CYP2C19: variants seen among roughly 807,000 people sequenced by gnomAD.
CYP2C19 encodes cytochrome P450 2C19.
A neutral mutation model predicts 40.9 loss-of-function variants in CYP2C19; 59 were observed. That is an observed-to-expected ratio of 1.44 (90% confidence interval 1.17 to 1.79). The LOEUF is 1.79. CYP2C19 is among the 40% of genes most tolerant of loss of function. CYP2C19 has a pLI of 0.00. For missense variants in CYP2C19, 754 were observed against 596.9 expected (o/e 1.26, Z -2.74); for synonymous variants, 253 against 208.7 (o/e 1.21, Z -1.83).
intron 6 of CYP2C19, among the ~76,000 whole-genome samples, chr10:94,825,883 C>A (rs1849211262): frequency 6.6e-6 from 1 of 151,476 alleles, no homozygotes; most frequent in Non-Finnish European, 1.5e-5. Context: ...TATGGCTAGC[C>A]AGCTTTCCCA....
In CYP2C19 at chr10:94,786,961, G is replaced by A. The variant is rs538284033; in HGVS notation, c.819+4964G>A. On this transcript the variant is annotated intron_variant, in intron 5 of 8. Transcript: ENST00000371321. ...GTGAATAGTGCAGAGATGGACATAT[G>A]AGCACATGTGTCTTTTTGGTATAAC... is the stretch of plus-strand genomic sequence containing the variant. Among the ~76,000 whole-genome samples, 7 of 152,200 alleles carry A rather than the reference G, an allele frequency of 4.6e-5. No homozygotes were observed. The East Asian group carries it at 5.8e-4, about 13-fold the overall frequency.
chr10:94,791,089 G>A (rs576397507), intron 5 of CYP2C19, among the ~76,000 whole-genome samples: 1 of 152,198 alleles, frequency 6.6e-6, no homozygotes, highest in Admixed American at 6.5e-5. Flanking sequence ...TCCTGGTTTA[G>A]TCTTGGGAGG....
At chr10:94,818,083 G>A (rs1176177612) in intron 5 of CYP2C19, among the ~76,000 whole-genome samples, 2 of 149,566 alleles carry the variant, frequency 1.3e-5, no homozygotes, top group African/African-American at 2.5e-5. Flanking sequence ...GTAAGGAAGG[G>A]ATCCAGTTTC....
chr10:94,836,553 T>C (rs1413396626), intron 6 of CYP2C19, among the ~76,000 whole-genome samples: 1 of 152,210 alleles, frequency 6.6e-6, no homozygotes, highest in African/African-American at 2.4e-5. Context: ...TTAATTAGTG[T>C]ATATAATGGT....
intron 3 of CYP2C19, among the ~76,000 whole-genome samples, chr10:94,779,925 T>A (rs2134239339): frequency 6.6e-6 from 1 of 152,316 alleles, no homozygotes. Context: ...TTTGTTTAAT[T>A]TTTTTGACAA....
intron 6 of CYP2C19, among the ~76,000 whole-genome samples, chr10:94,822,350 C>A (rs770933970): frequency 6.6e-6 from 1 of 152,044 alleles, no homozygotes; most frequent in East Asian, 1.9e-4. Context: ...AAATTATGTC[C>A]CATTGAGTCC....
chr10:94,850,132 C>A, intron 8 of CYP2C19, 74 bp downstream of exon 8: 1 of 1,531,524 alleles, frequency 6.5e-7, no homozygotes, highest in Non-Finnish European at 9.0e-7. Context: ...CTTACATGTG[C>A]CTTCTCTGCA....
At chr10:94,838,402 T>C (rs1377755999) in intron 6 of CYP2C19, among the ~76,000 whole-genome samples, 5 of 152,166 alleles carry the variant, frequency 3.3e-5, no homozygotes. Flanking sequence ...ACATTGCATC[T>C]CTCCATGTCA....
At chr10:94,818,482 G>A (rs1589366224) in intron 5 of CYP2C19, among the ~76,000 whole-genome samples, 2 of 150,678 alleles carry the variant, frequency 1.3e-5, no homozygotes, top group East Asian at 1.9e-4. Flanking sequence ...ACCTTGGGCA[G>A]TATGGCCATT....
rs200546552 is a variant in CYP2C19 at position 94,793,713 on chromosome 10, CT to C, written c.819+11717del. On this transcript the variant is annotated intron_variant, in intron 5 of 8. Transcript: ENST00000371321. ...AGCAAATGTTGCTGCCTGATCCTTCCTCTGGAAGCTTTGTCTCAAAGGAGCA... is the reference window on the plus strand; with the variant it reads ...AGCAAATGTTGCTGCCTGATCCTTCCCTGGAAGCTTTGTCTCAAAGGAGCA... Among the ~76,000 whole-genome samples, 685 of 152,228 alleles carry C rather than the reference CT, an allele frequency of 4.5e-3. 7 individuals are homozygous for C. The highest frequency in any genetic ancestry group is 0.015 in the African/African-American group (636 of 41,556).
At chr10:94,795,168 G>A (rs1367510393) in intron 5 of CYP2C19, among the ~76,000 whole-genome samples, 6 of 82,434 alleles carry the variant, frequency 7.3e-5, no homozygotes, top group African/African-American at 1.0e-4. Context: ...CCCACCCCAC[G>A]ACAGGCCCCA....
chr10:94,775,660 T>C, intron 3 of CYP2C19, 121 bp downstream of exon 3: 1 of 1,553,434 alleles, frequency 6.4e-7, no homozygotes, highest in Non-Finnish European at 8.8e-7. Flanking sequence ...TTAGCTCATG[T>C]GAAGCAGGGT....
chr10:94,793,514 A>G (rs982091469), intron 5 of CYP2C19, among the ~76,000 whole-genome samples: 9 of 152,096 alleles, frequency 5.9e-5, no homozygotes, highest in Non-Finnish European at 5.9e-5. Context: ...GTCTTTGATA[A>G]TGGTGACATA....
intron 6 of CYP2C19, among the ~76,000 whole-genome samples, chr10:94,821,544 A>G (rs1222254397): frequency 6.6e-6 from 1 of 152,220 alleles, no homozygotes; most frequent in Admixed American, 6.5e-5. Context: ...CAGAAGATGT[A>G]CCTGAGACAG....
intron 1 of CYP2C19, among the ~76,000 whole-genome samples, chr10:94,763,681 G>T (rs897058734): frequency 1.1e-4 from 17 of 152,012 alleles, no homozygotes; most frequent in Middle Eastern, 3.4e-3. Context: ...CTAGATTGAT[G>T]GTAGGGGGCA....
At chr10:94,831,284 G>A (rs1189757408) in intron 6 of CYP2C19, among the ~76,000 whole-genome samples, 1 of 152,052 alleles carries the variant, frequency 6.6e-6, no homozygotes, top group Non-Finnish European at 1.5e-5. Flanking sequence ...GTCTGTTGAT[G>A]GATATTTAGG....
intron 5 of CYP2C19, among the ~76,000 whole-genome samples, chr10:94,815,377 G>T (rs2134263195): frequency 6.6e-6 from 1 of 152,258 alleles, no homozygotes; most frequent in Non-Finnish European, 1.5e-5. Flanking sequence ...TGCTGGCCTA[G>T]GGACTTGTTA....
intron 6 of CYP2C19, among the ~76,000 whole-genome samples, chr10:94,841,295 C>G (rs1235342170): frequency 1.3e-5 from 2 of 152,194 alleles, no homozygotes; most frequent in Non-Finnish European, 2.9e-5. Flanking sequence ...GATTTTAGCC[C>G]TATCGGGAAT....
intron 6 of CYP2C19, among the ~76,000 whole-genome samples, chr10:94,826,891 G>T (rs1297054815): frequency 1.3e-5 from 2 of 152,032 alleles, no homozygotes; most frequent in Non-Finnish European, 2.9e-5. Context: ...TTTGTCAAAG[G>T]CCTTTTCTGC....
Sources: gnomAD v4.1 joint callset for allele counts (sites outside exome capture counted in the v4.1 genomes callset) on GRCh38, gnomAD v4.1.1 for gene constraint, MANE v1.5 for transcripts, NCBI Gene and HGNC (gene_info 2026-07-23, HGNC 2026-07-21) for gene names.